The following TSHR variants were observed in gnomAD, a reference collection of about 807,000 sequenced individuals.
TSHR encodes thyroid stimulating hormone receptor, also known as thyrotropin receptor.
TSHR carries 51 observed loss-of-function variants against 64.1 expected under a neutral mutation model. The ratio of observed to expected loss-of-function variants is 0.80; its 90% CI spans 0.64 to 1.01. The LOEUF (loss-of-function observed/expected upper bound fraction) is 1.01. TSHR is among the 50% of genes least tolerant of loss of function. The pLI is 0.00. For missense variants in TSHR, 877 were observed against 942.8 expected (o/e 0.93, Z 0.91); for synonymous variants, 361 against 361.9 (o/e 1.00, Z 0.03).
intron 1 of TSHR, chr14:80,959,410 T>C (rs140735002): frequency 4.6e-5 from 7 of 152,346 alleles, no homozygotes; most frequent in African/African-American, 1.7e-4. Context: ...GATAACAAGA[T>C]TGACCCATCA....
chr14:81,122,389 A>G (rs2077786236), intron 8 of TSHR, among the ~76,000 whole-genome samples: 1 of 151,936 alleles, frequency 6.6e-6, no homozygotes, highest in Admixed American at 6.6e-5. Context: ...AAACTTAGCA[A>G]GAGGTTTGTT....
chr14:81,126,638 C>T (rs1013654552), intron 8 of TSHR, among the ~76,000 whole-genome samples: 26 of 152,320 alleles, frequency 1.7e-4, no homozygotes, highest in African/African-American at 6.0e-4. Context: ...GAAAACAACA[C>T]TGCCAAAATG....
chr14:81,037,945 A>AAAAAC (rs1366321144), intron 1 of TSHR, among the ~76,000 whole-genome samples: 1 of 151,838 alleles, frequency 6.6e-6, no homozygotes, highest in East Asian at 1.9e-4. Flanking sequence ...AAAAAAAAAA[A>AAAAAC]CACTGGATTT....
chr14:81,017,118 CAATGACCTTGA>C (rs1321940198), intron 1 of TSHR, among the ~76,000 whole-genome samples: 1 of 152,152 alleles, frequency 6.6e-6, no homozygotes, highest in African/African-American at 2.4e-5. Flanking sequence ...TCAGACCTTG[CAATGACCTTGA>C]GCAGTAAGAT....
At chr14:81,070,272 GA>G (rs746633382) in intron 3 of TSHR, among the ~76,000 whole-genome samples, 1 of 152,128 alleles carries the variant, frequency 6.6e-6, no homozygotes, top group Non-Finnish European at 1.5e-5. Context: ...TAAATACGAA[GA>G]AAGCTACATC....
At chr14:80,974,056 G>C (rs1238695131) in intron 1 of TSHR, among the ~76,000 whole-genome samples, 1 of 152,180 alleles carries the variant, frequency 6.6e-6, no homozygotes, top group Non-Finnish European at 1.5e-5. Flanking sequence ...ATTATACGGA[G>C]CTCATGAGCT....
chr14:81,108,493 T>TC (rs776780678), intron 8 of TSHR, 41 bp downstream of exon 8: 1 of 1,593,836 alleles, frequency 6.3e-7, no homozygotes, highest in Non-Finnish European at 8.5e-7. Flanking sequence ...TCTTTTTTTT[T>TC]CTTTTTTTTT....
intron 8 of TSHR, among the ~76,000 whole-genome samples, chr14:81,120,102 C>T (rs1400952495): frequency 2.8e-5 from 4 of 144,320 alleles, no homozygotes; most frequent in Non-Finnish European, 4.5e-5. Context: ...GTGGGTGCAG[C>T]GCACCAGCAT....
chr14:81,130,702 A>C (rs1451872982), intron 8 of TSHR, among the ~76,000 whole-genome samples: 1 of 138,354 alleles, frequency 7.2e-6, no homozygotes, highest in Non-Finnish European at 1.5e-5. Flanking sequence ...CTTATAAAAC[A>C]CTGCTTGGGC....
intron 1 of TSHR, chr14:80,959,378 G>C (rs1358022008): frequency 6.6e-6 from 1 of 152,182 alleles, no homozygotes; most frequent in African/African-American, 2.4e-5. Flanking sequence ...TATAATTATA[G>C]ATCATATATC....
intron 1 of TSHR, among the ~76,000 whole-genome samples, chr14:81,033,888 G>A (rs1182046313): frequency 1.3e-5 from 2 of 152,190 alleles, no homozygotes; most frequent in Non-Finnish European, 2.9e-5. Flanking sequence ...TCTTATAGTG[G>A]TGATCTTGTA....
chr14:81,003,901 C>T (rs537269963), intron 1 of TSHR, among the ~76,000 whole-genome samples: 37 of 152,208 alleles, frequency 2.4e-4, no homozygotes, highest in Admixed American at 9.8e-4. Flanking sequence ...CACTAAATCC[C>T]GCCAATTTGT....
At chr14:81,112,240 T>C (rs1328938686) in intron 8 of TSHR, among the ~76,000 whole-genome samples, 1 of 152,126 alleles carries the variant, frequency 6.6e-6, no homozygotes, top group Admixed American at 6.5e-5. Context: ...AATAAGATAA[T>C]AAAGGAACTA....
intron 3 of TSHR, among the ~76,000 whole-genome samples, chr14:81,083,920 C>A (rs1301231064): frequency 2.0e-5 from 3 of 152,142 alleles, no homozygotes; most frequent in Non-Finnish European, 4.4e-5. Flanking sequence ...GGTAGATCCC[C>A]TTATAAAACC....
chr14:80,981,096 G>T (rs752482790), intron 1 of TSHR, among the ~76,000 whole-genome samples: 1 of 152,042 alleles, frequency 6.6e-6, no homozygotes, highest in Non-Finnish European at 1.5e-5. Flanking sequence ...ATGGTGAATT[G>T]TTACCTTTTT....
chr14:81,080,351 C>T (rs1200001821), intron 3 of TSHR, among the ~76,000 whole-genome samples: 6 of 152,128 alleles, frequency 3.9e-5, no homozygotes, highest in South Asian at 2.1e-4. Context: ...CTATATTTTG[C>T]TGATCCACTA....
chr14:81,055,689 C>T (rs1347813812), intron 1 of TSHR, among the ~76,000 whole-genome samples: 1 of 152,200 alleles, frequency 6.6e-6, no homozygotes, highest in Non-Finnish European at 1.5e-5. Context: ...GTATTTCAGA[C>T]TTGCTGACTT....
chr14:81,073,850 A>G (rs1348985402), intron 3 of TSHR, among the ~76,000 whole-genome samples: 1 of 152,180 alleles, frequency 6.6e-6, no homozygotes, highest in African/African-American at 2.4e-5. Flanking sequence ...AGTACAGTAA[A>G]GACAACAACA....
chr14:81,065,546 T>C (rs1886548687), intron 2 of TSHR, among the ~76,000 whole-genome samples: 1 of 152,128 alleles, frequency 6.6e-6, no homozygotes, highest in Non-Finnish European at 1.5e-5. Context: ...AAGGCTCCAC[T>C]GAGGCTTCCC....
Sources: allele counts gnomAD v4.1 joint callset (sites outside exome capture counted in the v4.1 genomes callset), GRCh38; gene constraint gnomAD v4.1.1; transcripts MANE v1.5; gene names NCBI Gene and HGNC (gene_info 2026-07-23, HGNC 2026-07-21).